The following FUT9 variants were observed in gnomAD, a reference collection of about 807,000 sequenced individuals.
FUT9 encodes the protein fucosyltransferase 9.
In FUT9, 15 loss-of-function variants were observed where a neutral mutation model predicts 29.7. The observed-to-expected ratio is 0.51, with a 90% CI of 0.34 to 0.78. FUT9 has a LOEUF of 0.78. Ranked by LOEUF, FUT9 falls within the 30% of genes least tolerant of loss-of-function variation. The probability of loss-of-function intolerance (pLI) is 0.01; values close to 1 mark genes in which losing one functional copy is unlikely to be tolerated. For synonymous variants in FUT9, 169 were observed against 153.7 expected, an observed-to-expected ratio of 1.10 and a Z score of -0.74; for missense variants, 319 against 425.4, an observed-to-expected ratio of 0.75 and a Z score of 2.20.
chr6:96,050,073 G>A (rs189914497), intron 1 of FUT9, among the ~76,000 whole-genome samples: 147 of 152,106 alleles, frequency 9.7e-4, no homozygotes, highest in African/African-American at 2.4e-3. Flanking sequence ...GCAAGGAATG[G>A]GTGCCTATGT....
chr6:96,024,547 G>T (rs1056025219), intron 1 of FUT9, among the ~76,000 whole-genome samples: 1 of 151,734 alleles, frequency 6.6e-6, no homozygotes, highest in Non-Finnish European at 1.5e-5. Context: ...AGTAGCCACA[G>T]ATACATTGCT....
chr6:96,065,466 GCTCA>G (rs1157395765), intron 1 of FUT9, among the ~76,000 whole-genome samples: 1 of 152,100 alleles, frequency 6.6e-6, no homozygotes, highest in Non-Finnish European at 1.5e-5. Context: ...CTGGCAACTT[GCTCA>G]GTTCTCTAAG....
intron 1 of FUT9, among the ~76,000 whole-genome samples, chr6:96,039,630 T>C (rs1409247950): frequency 6.6e-6 from 1 of 152,128 alleles, no homozygotes; most frequent in Non-Finnish European, 1.5e-5. Context: ...GCTTCCTCAG[T>C]CACCGTATCA....
At chr6:96,127,652 G>T (rs1188096391) in intron 2 of FUT9, among the ~76,000 whole-genome samples, 1 of 152,086 alleles carries the variant, frequency 6.6e-6, no homozygotes, top group Admixed American at 6.6e-5. Context: ...ATTTCCATCA[G>T]CAGTGTATAA....
chr6:96,134,945 G>A (rs533279943), intron 2 of FUT9, among the ~76,000 whole-genome samples: 2 of 151,856 alleles, frequency 1.3e-5, no homozygotes, highest in South Asian at 4.2e-4. Context: ...TTTGTCCTCG[G>A]TCCCCCATGA....
At chr6:96,169,754 C>G (rs1582282014) in intron 2 of FUT9, among the ~76,000 whole-genome samples, 1 of 152,218 alleles carries the variant, frequency 6.6e-6, no homozygotes, top group East Asian at 1.9e-4. Context: ...CCAAATTTCT[C>G]TCTTTTGCTC....
chr6:96,022,867 T>G (rs1284058659), intron 1 of FUT9, among the ~76,000 whole-genome samples: 6 of 151,806 alleles, frequency 4.0e-5, no homozygotes, highest in Non-Finnish European at 7.4e-5. Context: ...GTGTACCTGG[T>G]ACGTGTATAT....
chr6:96,043,304 G>GA (rs11422014), intron 1 of FUT9, among the ~76,000 whole-genome samples: 108,538 of 151,742 alleles, frequency 0.72, 39,738 homozygotes, highest in African/African-American at 0.89. Context: ...TCTCGCCTCG[G>GA]GTCCCAAAGT....
At chr6:96,128,474 C>T (rs1008528936) in intron 2 of FUT9, among the ~76,000 whole-genome samples, 1 of 152,130 alleles carries the variant, frequency 6.6e-6, no homozygotes. Flanking sequence ...TAGTTCATAA[C>T]ATTCATCGTT....
intron 1 of FUT9, among the ~76,000 whole-genome samples, chr6:96,105,807 A>C (rs1306156991): frequency 6.6e-6 from 1 of 152,174 alleles, no homozygotes; most frequent in African/African-American, 2.4e-5. Flanking sequence ...ATTCCTCTAA[A>C]AATTAGGAAC....
chr6:96,084,043 C>T (rs994238045), intron 1 of FUT9, among the ~76,000 whole-genome samples: 2 of 151,958 alleles, frequency 1.3e-5, no homozygotes, highest in Non-Finnish European at 2.9e-5. Context: ...ATGTACTTGT[C>T]AATTGAGTAG....
chr6:96,200,147 G>GGT (rs972978834), intron 2 of FUT9, among the ~76,000 whole-genome samples: 91 of 152,090 alleles, frequency 6.0e-4, no homozygotes, highest in African/African-American at 1.9e-3. Flanking sequence ...TGAGTTAATA[G>GGT]GTGTGTGTGT....
chr6:96,049,497 A>T (rs1181331375), intron 1 of FUT9, among the ~76,000 whole-genome samples: 1 of 152,214 alleles, frequency 6.6e-6, no homozygotes, highest in Non-Finnish European at 1.5e-5. Context: ...CATCTTCCAC[A>T]TCTCCTATGA....
intron 2 of FUT9, among the ~76,000 whole-genome samples, chr6:96,188,942 G>A (rs981033956): frequency 6.6e-6 from 1 of 152,014 alleles, no homozygotes; most frequent in African/African-American, 2.4e-5. Context: ...TTTGCCTTAT[G>A]AGCCTGGTTA....
intron 1 of FUT9, among the ~76,000 whole-genome samples, chr6:96,020,306 A>T (rs1770045606): frequency 6.6e-6 from 1 of 152,154 alleles, no homozygotes; most frequent in Admixed American, 6.5e-5. Context: ...AATATTCCTA[A>T]AATAACAGAT....
At chr6:96,116,538 G>T (rs1771914405) in intron 2 of FUT9, among the ~76,000 whole-genome samples, 1 of 152,124 alleles carries the variant, frequency 6.6e-6, no homozygotes, top group Admixed American at 6.5e-5. Flanking sequence ...CTAATATGTT[G>T]TCTTCAGCTG....
At chr6:96,026,554 T>C (rs1770172000) in intron 1 of FUT9, among the ~76,000 whole-genome samples, 1 of 151,728 alleles carries the variant, frequency 6.6e-6, no homozygotes, top group Non-Finnish European at 1.5e-5. Flanking sequence ...TCAAAATCAT[T>C]AAGCAAAAAT....
chr6:96,110,303 C>T (rs1275546383), intron 1 of FUT9, among the ~76,000 whole-genome samples: 1 of 152,114 alleles, frequency 6.6e-6, no homozygotes, highest in African/African-American at 2.4e-5. Flanking sequence ...TTGGCTGAGC[C>T]ATTTTGCTCA....
In FUT9 at chr6:96,214,253, C is replaced by G. The variant is rs1773994613; in HGVS notation, c.*10018C>G. 1 of 166,808 alleles carries G rather than the reference C, an allele frequency of 6.0e-6. No individual in the cohort carries two copies. Among genetic ancestry groups the G allele is most frequent in the South Asian group, 2.1e-4 (1 of 4,828 alleles). 10.3% of individuals were successfully genotyped at this position (166,808 alleles called of 1,614,324 possible). On this transcript the variant is annotated 3_prime_UTR_variant, in exon 3 of 3. Transcript: ENST00000302103. ...AAATATCATCTTAACCAGTTTCATT[C>G]TATGAACATAATATTCTGGCAGCTT...
Sources: gnomAD v4.1 joint callset for allele counts (sites outside exome capture counted in the v4.1 genomes callset) on GRCh38, gnomAD v4.1.1 for gene constraint, MANE v1.5 for transcripts, NCBI Gene and HGNC (gene_info 2026-07-23, HGNC 2026-07-21) for gene names.